Variants in RYR1 observed in about 807,000 individuals in gnomAD.
RYR1 encodes the protein ryanodine receptor 1, also known as central core disease of muscle.
A neutral mutation model predicts 583.5 loss-of-function variants in RYR1; 342 were observed. That is an observed-to-expected ratio of 0.59 (90% CI 0.54 to 0.64). The LOEUF is 0.64. Ranked by LOEUF, RYR1 falls within the 30% of genes least tolerant of loss-of-function variation. The probability of loss-of-function intolerance (pLI) is 0.00; values close to 1 mark genes in which losing one functional copy is unlikely to be tolerated. For synonymous variants in RYR1, 2,791 were observed against 2,822.5 expected, an observed-to-expected ratio of 0.99 and a Z score of 0.35; for missense variants, 6,032 against 6,917.2, an observed-to-expected ratio of 0.87 and a Z score of 4.54.
intron 31 of RYR1, among the ~76,000 whole-genome samples, chr19:38,480,642 T>G (rs1968962469): frequency 6.6e-6 from 1 of 152,192 alleles, no homozygotes; most frequent in Non-Finnish European, 1.5e-5. Flanking sequence ...AATATCCAGT[T>G]TGTGTTCAGA....
At chr19:38,507,018 GC>G in intron 57 of RYR1, 66 bp downstream of exon 57, 11 of 1,608,882 alleles carry the variant, frequency 6.8e-6, no homozygotes, top group Non-Finnish European at 9.3e-6. Context: ...GCTGGAAGGG[GC>G]GGGGCCAGAG....
rs1973156610 is a variant in RYR1, at chr19:38,561,815, ACCT to A, written c.12624+366_12624+368del. On this transcript the variant is annotated intron_variant, in intron 90 of 105. Transcript: ENST00000359596. The surrounding 1 kb of genome is among the most constrained non-coding windows in gnomAD (Gnocchi z 4.8). ...CTGATGCAGCCCTACCCACACTCTC[ACCT>A]CCTCGAACCTGCATGGCGACACACC... is the stretch of plus-strand genomic sequence containing the variant. Among the ~76,000 whole-genome samples, 1 of 150,484 alleles carries A rather than the reference ACCT, an allele frequency of 6.6e-6. No individual in the cohort carries two copies. Among genetic ancestry groups the A allele is most frequent in the Non-Finnish European group, 1.5e-5 (1 of 67,650 alleles).
At chr19:38,536,879 C>G (rs1971994947) in intron 83 of RYR1, 112 bp downstream of exon 83, 1 of 1,195,682 alleles carries the variant, frequency 8.4e-7, no homozygotes, top group Non-Finnish European at 1.2e-6. Context: ...GAGGGAGGGA[C>G]CCTTCAGCAG....
chr19:38,568,028 TAAG>T, intron 93 of RYR1, 111 bp downstream of exon 93: 1 of 1,300,758 alleles, frequency 7.7e-7, no homozygotes, highest in Non-Finnish European at 1.1e-6. Flanking sequence ...AGCTCGTCTC[TAAG>T]AAGAACCCTA....
intron 67 of RYR1, among the ~76,000 whole-genome samples, chr19:38,522,143 G>A (rs1600907884): frequency 6.6e-6 from 1 of 152,082 alleles, no homozygotes; most frequent in Non-Finnish European, 1.5e-5. Flanking sequence ...TCTTGACTTC[G>A]GTGCTGGCTA....
intron 89 of RYR1, among the ~76,000 whole-genome samples, chr19:38,556,598 C>T (rs1212531545): frequency 6.6e-6 from 1 of 152,032 alleles, no homozygotes; most frequent in African/African-American, 2.4e-5. Flanking sequence ...CCATGTTGCC[C>T]AGGCTGGTCT....
intron 25 of RYR1, 173 bp downstream of exon 25, chr19:38,467,985 T>C: frequency 1.5e-6 from 1 of 647,492 alleles, no homozygotes; most frequent in Non-Finnish European, 2.8e-6. Flanking sequence ...CATCCATCCA[T>C]CCATCGATCT....
chr19:38,506,444 A>T lies in RYR1; in HGVS notation c.8617-27A>T, dbSNP rs762710077. ...GGGGGGGCTGGCATCCTCTGAATCT[A>T]GCCCTTGACTCTGCATCCACTCCCA... On this transcript the variant is annotated intron_variant, in intron 55 of 105. Transcript: ENST00000359596. 3 of 1,613,894 alleles carry T rather than the reference A, an allele frequency of 1.9e-6. No homozygotes were observed. In the African/African-American group the frequency reaches 4.0e-5, roughly 22 times the overall value.
At position 38,535,223 on chromosome 19, in the gene RYR1, A is replaced by C; in HGVS notation, c.11439+3A>C. On this transcript the variant is annotated splice_donor_region_variant and intron_variant, in intron 80 of 105. Coordinates refer to ENST00000359596, the MANE Select transcript of RYR1 (RefSeq NM_000540.3). Reference sequence around the variant, plus strand: ...GAGGCAATGCTGAGGTCCAGCAGGTAACAGAGGCAAAGGGACTTCAGAAGA... The same window carrying C: ...GAGGCAATGCTGAGGTCCAGCAGGTCACAGAGGCAAAGGGACTTCAGAAGA... 6.2e-7 allele frequency: 1 copy of C among 1,614,112 alleles called. No homozygotes were observed. The highest frequency in any genetic ancestry group is 8.5e-7 in the Non-Finnish European group (1 of 1,180,002).
chr19:38,504,923 G>A lies in RYR1; in HGVS notation c.8231+12G>A, dbSNP rs753003403. On this transcript the variant is annotated intron_variant, in intron 51 of 105. Transcript: ENST00000359596. ...GTGGAGACCCTCAAGTGAGGCCTGG[G>A]GGCTGGGAGACAGAGAGGAAGATTT... 3.1e-6 allele frequency: 5 copies of A among 1,614,130 alleles called. No homozygotes were observed. In the East Asian group the frequency reaches 8.9e-5, roughly 29 times the overall value.
At position 38,444,543 on chromosome 19, in the gene RYR1, C is replaced by G. The variant is rs766091618; in HGVS notation, c.538-41C>G. On this transcript the variant is annotated intron_variant, in intron 6 of 105. Transcript: ENST00000359596. The surrounding 1 kb of genome is among the most constrained non-coding windows in gnomAD (Gnocchi z 5.1). ...TCTGACGCTGGGACTCTCGCCCACC[C>G]CTGCAATCGTCTCTGACTGCCGCAT... 4 of 1,568,974 alleles carry G rather than the reference C, an allele frequency of 2.5e-6. No homozygotes were observed. Among genetic ancestry groups the G allele is most frequent in the Non-Finnish European group, 3.5e-6 (4 of 1,143,204 alleles).
chr19:38,485,645 C>T lies in RYR1; in HGVS notation c.4990C>T (p.His1664Tyr), dbSNP rs1426611590. Residue 1664 changes from histidine (H) to tyrosine (Y), a missense_variant, in exon 34 of 106, where the codon CAC becomes TAC. By Grantham distance (83) the His-to-Tyr change is moderately conservative. This residue lies in a region of RYR1 where 2,627 missense variants were observed against 2,961.3 expected (regional missense o/e 0.89). Transcript: ENST00000359596. ...ERLDLQRFHS[H>Y]TLRLYRAVCA... ...CCTGGACCTGCAGCGCTTCCACTCG[C>T]ACACCCTGCGCCTCTACCGCGCTGT... is the stretch of plus-strand genomic sequence containing the variant. The T allele has an allele frequency of 3.1e-6, 5 of 1,610,580 alleles. No homozygotes were observed. The highest frequency in any genetic ancestry group is 4.2e-6 in the Non-Finnish European group (5 of 1,179,950).
intron 101 of RYR1, 152 bp from the exon 102 acceptor site, chr19:38,584,791 C>A: frequency 1.1e-6 from 1 of 872,000 alleles, no homozygotes; most frequent in Non-Finnish European, 1.8e-6. Flanking sequence ...GCTGTTGGTC[C>A]CTGTCTGATG....
At position 38,457,550 on chromosome 19, in the gene RYR1, C is replaced by T; in HGVS notation, c.1845C>T (p.Ser615=). The stretch of plus-strand genomic sequence containing the variant: ...TGTGTAATGGTGTGGCTGTACGCTC[C>T]AACCAAGATCTTATTACTGAGAACT... ...LCVCNGVAVR[S]NQDLITENLL... Residue 615 remains serine, a synonymous_variant, in exon 17 of 106, where the codon TCC becomes TCT. Coordinates refer to ENST00000359596, the MANE Select transcript of RYR1 (RefSeq NM_000540.3). 1 of 1,614,112 alleles carries T rather than the reference C, an allele frequency of 6.2e-7. No individual in the cohort carries two copies. Among genetic ancestry groups the T allele is most frequent in the Non-Finnish European group, 8.5e-7 (1 of 1,180,030 alleles).
chr19:38,448,505 C>T lies in RYR1; in HGVS notation c.951C>T (p.Ile317=), dbSNP rs138968996. The T allele has an allele frequency of 7.4e-6, 12 of 1,614,156 alleles. No homozygotes were observed. In the East Asian group the frequency reaches 2.2e-4, roughly 30 times the overall value. Residue 317 remains isoleucine (I), a synonymous_variant, in exon 10 of 106, where the codon ATC becomes ATT. Coordinates refer to ENST00000359596, the MANE Select transcript of RYR1 (RefSeq NM_000540.3). ...AGGCTACCTCCTTCTGCTTCCGCAT[C>T]TCCAAGGTCAGTGGGGTTTGTGGCG... ...HTKATSFCFR[I]SKEKLDVAPK...
intron 92 of RYR1, among the ~76,000 whole-genome samples, chr19:38,567,464 C>T (rs2145854366): frequency 6.6e-6 from 1 of 152,334 alleles, no homozygotes; most frequent in Middle Eastern, 3.4e-3. Context: ...TCCAATTCTC[C>T]AGGACACCTG....
chr19:38,575,411 G>A (rs1223882910), intron 96 of RYR1, among the ~76,000 whole-genome samples: 1 of 152,224 alleles, frequency 6.6e-6, no homozygotes, highest in Non-Finnish European at 1.5e-5. Context: ...TGTAATCCCA[G>A]CACTTTGGGA....
Position 38,519,739 on chromosome 19 carries a change from C to T in RYR1, c.10259+285C>T, listed in dbSNP as rs937883403. 2.3e-4 allele frequency among the ~76,000 whole-genome samples: 35 copies of T among 152,022 alleles called. 2 individuals carry two copies. Among genetic ancestry groups the T allele is most frequent in the African/African-American group, 7.2e-5 (3 of 41,394 alleles). ...TATTGCCCAGGCTGGAATGCAGTGGCGCGATCTCGGCTCACTGTAACCTCC... is the reference window on the plus strand; with the variant it reads ...TATTGCCCAGGCTGGAATGCAGTGGTGCGATCTCGGCTCACTGTAACCTCC... On this transcript the variant is annotated intron_variant, in intron 67 of 105. Transcript: ENST00000359596.
intron 101 of RYR1, among the ~76,000 whole-genome samples, chr19:38,584,410 T>C (rs1356303949): frequency 2.6e-4 from 17 of 64,706 alleles, no homozygotes; most frequent in South Asian, 6.4e-4. Context: ...GCCTGTACCC[T>C]CCATCCTGGC....
Sources: gnomAD v4.1 joint callset for allele counts (sites outside exome capture counted in the v4.1 genomes callset) on GRCh38, gnomAD v4.1.1 for gene constraint, gnomAD v4.1.1 regional missense constraint, Gnocchi (gnomAD v3.1) non-coding constraint, MANE v1.5 for transcripts, NCBI Gene and HGNC (gene_info 2026-07-23, HGNC 2026-07-21) for gene names.